The following PDE4DIP variants were observed in gnomAD, a reference collection of about 807,000 sequenced individuals.
PDE4DIP encodes myomegalin.
A neutral mutation model predicts 221.4 loss-of-function variants in PDE4DIP; 59 were observed. The ratio of observed to expected loss-of-function variants is 0.27; its 90% confidence interval spans 0.22 to 0.33. PDE4DIP has a LOEUF of 0.33. Among genes scored for constraint, PDE4DIP ranks in the 10% least tolerant of loss-of-function variants. The pLI, the probability that PDE4DIP is intolerant of heterozygous loss-of-function variation, is 1.00. For synonymous variants in PDE4DIP, 404 were observed against 815.9 expected (o/e 0.50, Z 8.60); for missense variants, 1,036 against 2,154.2 (o/e 0.48, Z 10.28).
At chr1:148,978,886 C>T (rs1399701785) in intron 19 of PDE4DIP, among the ~76,000 whole-genome samples, 1 of 152,056 alleles carries the variant, frequency 6.6e-6, no homozygotes, top group Non-Finnish European at 1.5e-5. Flanking sequence ...GCTATAGATG[C>T]CCCTTTCTGA....
At chr1:148,932,827 T>C (rs1415728128) in intron 4 of PDE4DIP, 2 of 284,780 alleles carry the variant, frequency 7.0e-6, no homozygotes, top group Non-Finnish European at 1.4e-5. Flanking sequence ...CCTCCAGAAG[T>C]AGTATGAGGT....
At chr1:148,979,836 G>A in exon 20 of PDE4DIP, 1 of 1,613,092 alleles carries the variant, frequency 6.2e-7, no homozygotes, top group Non-Finnish European at 8.5e-7. Flanking sequence ...GAAGTTCCAT[G>A]CCCATCCAGA....
chr1:148,893,081 G>C (rs1408902338), intron 1 of PDE4DIP, among the ~76,000 whole-genome samples: 12 of 120,698 alleles, frequency 9.9e-5, no homozygotes, highest in African/African-American at 3.4e-4. Flanking sequence ...GTGTGTGTGT[G>C]TGTGTGTGTG....
intron 5 of PDE4DIP, among the ~76,000 whole-genome samples, chr1:148,954,127 C>A (rs1347572852): frequency 6.6e-6 from 1 of 152,124 alleles, no homozygotes; most frequent in African/African-American, 2.4e-5. Flanking sequence ...TTGACTTTCC[C>A]ATTATCAAAA....
At chr1:149,015,563 C>T (rs2070205499) in intron 32 of PDE4DIP, among the ~76,000 whole-genome samples, 1 of 152,136 alleles carries the variant, frequency 6.6e-6, no homozygotes, top group Non-Finnish European at 1.5e-5. Context: ...TGATGGGGCT[C>T]AAGGGAAAGG....
At chr1:148,929,820 T>C (rs2047454290) in intron 2 of PDE4DIP, 1 of 152,850 alleles carries the variant, frequency 6.5e-6, no homozygotes, top group Admixed American at 6.5e-5. Flanking sequence ...AGGATGTTTA[T>C]TGCATCATTA....
At chr1:148,979,889 A>G (rs1553540903) in intron 20 of PDE4DIP, 40 bp downstream of exon 23, 1 of 1,596,212 alleles carries the variant, frequency 6.3e-7, no homozygotes, top group Non-Finnish European at 8.6e-7. Flanking sequence ...CTTTATTGAA[A>G]TTTTTATTTC....
chr1:149,001,545 G>C, intron 23 of PDE4DIP, 46 bp from the exon 27 acceptor site: 1 of 852,508 alleles, frequency 1.2e-6, no homozygotes, highest in South Asian at 1.6e-5. Flanking sequence ...ATTAGGAACT[G>C]TTGTGAGGAC....
intron 1 of PDE4DIP, 62 bp from the exon 2 acceptor site, chr1:148,863,188 C>T (rs1553402951): frequency 2.5e-6 from 1 of 407,808 alleles, no homozygotes; most frequent in Non-Finnish European, 4.0e-6. Flanking sequence ...TCTCCTCGAT[C>T]CCTGGGATGG....
chr1:148,929,637 T>G (rs2047409162), intron 2 of PDE4DIP: 1 of 221,298 alleles, frequency 4.5e-6, no homozygotes, highest in African/African-American at 2.3e-5. Context: ...AGATAACATT[T>G]GGGGAAAATG....
chr1:148,815,566 A>AG (rs1667562578), intron 1 of PDE4DIP, among the ~76,000 whole-genome samples: 1 of 116,654 alleles, frequency 8.6e-6, no homozygotes, highest in South Asian at 3.2e-4. Flanking sequence ...AAAAAAAAAA[A>AG]AGAACTAAAT....
chr1:148,884,803 C>T (rs12049295), upstream of PDE4DIP, among the ~76,000 whole-genome samples: 5 of 152,036 alleles, frequency 3.3e-5, no homozygotes, highest in African/African-American at 7.2e-5. Context: ...TTGTCATATA[C>T]GATTCCATAT....
At chr1:148,948,433 C>T (rs1553485139) in intron 5 of PDE4DIP, among the ~76,000 whole-genome samples, 1 of 149,062 alleles carries the variant, frequency 6.7e-6, no homozygotes, top group East Asian at 2.1e-4. Flanking sequence ...GATTGTGCCA[C>T]TGCACTCCAG....
intron 22 of PDE4DIP, chr1:148,992,195 T>A: frequency 1.3e-6 from 1 of 747,896 alleles, no homozygotes; most frequent in Non-Finnish European, 2.3e-6. Flanking sequence ...TTGTATTGTA[T>A]CTCTTTCTTC....
At chr1:148,983,191 C>T (rs1451434870) in intron 21 of PDE4DIP, 6 of 151,986 alleles carry the variant, frequency 3.9e-5, no homozygotes, top group Admixed American at 2.6e-4. Context: ...GTAATGGAGC[C>T]GTAGAAATGT....
chr1:148,969,042 T>G lies in PDE4DIP; in HGVS notation c.1980+12T>G, dbSNP rs201583320. On this transcript the variant is annotated intron_variant, in intron 14 of 43. Coordinates refer to ENST00000369354, the Ensembl canonical transcript of PDE4DIP. ...AGCAGGAAAGCCAAGTAAGGATTAA[T>G]GCACAGATCAGACAAGTGTCATGTA... 8.8e-5 allele frequency: 140 copies of G among 1,598,586 alleles called. No homozygotes were observed. In the African/African-American group the frequency reaches 1.6e-3, roughly 19 times the overall value.
Position 148,978,413 on chromosome 1 carries a change from C to T in PDE4DIP, c.2572C>T (p.Gln858Ter). The stretch of plus-strand genomic sequence containing the variant: ...AGAAATTTCAGGAAACCGAAGACAA[C>T]AGGTAAGTTACTGGAATATAAACCT... Residue 858 changes from glutamine (Q) to a stop codon, truncating the protein, a stop_gained and splice_region_variant, in exon 19 of 44, where the codon CAG becomes TAG. Coordinates refer to ENST00000369354, the Ensembl canonical transcript of PDE4DIP. LOFTEE classifies it high-confidence loss of function. 2.5e-6 allele frequency: 4 copies of T among 1,586,790 alleles called. No individual in the cohort carries two copies. The highest frequency in any genetic ancestry group is 3.4e-6 in the Non-Finnish European group (4 of 1,162,086).
chr1:148,992,288 G>A (rs368616713), intron 22 of PDE4DIP: 160 of 1,587,246 alleles, frequency 1.0e-4, no homozygotes, highest in Non-Finnish European at 1.3e-4. Flanking sequence ...CTTGCAAGAC[G>A]ATGGACACAT....
intron 1 of PDE4DIP, among the ~76,000 whole-genome samples, chr1:148,903,159 C>T (rs58159184): frequency 0.013 from 1,489 of 118,504 alleles, no homozygotes; most frequent in East Asian, 0.03. Context: ...TGATTATTAG[C>T]GATGTTGAGC....
Sources: gnomAD v4.1 joint callset for allele counts (sites outside exome capture counted in the v4.1 genomes callset) on GRCh38, gnomAD v4.1.1 for gene constraint, MANE v1.5 for transcripts, NCBI Gene and HGNC (gene_info 2026-07-23, HGNC 2026-07-21) for gene names.